Variants in PCDHA11 observed in about 807,000 individuals in gnomAD.
PCDHA11 encodes protocadherin alpha 11, also known as protocadherin alpha-11.
A neutral mutation model predicts 70.3 loss-of-function variants in PCDHA11; 61 were observed. The ratio of observed to expected loss-of-function variants is 0.87; its 90% CI spans 0.71 to 1.07. The LOEUF (loss-of-function observed/expected upper bound fraction) is 1.07. PCDHA11 is among the 50% of genes least tolerant of loss of function. The pLI, the probability that PCDHA11 is intolerant of heterozygous loss-of-function variation, is 0.00. For synonymous variants in PCDHA11, 633 were observed against 555.1 expected (o/e 1.14, Z -1.97); for missense variants, 1,324 against 1,237.5 (o/e 1.07, Z -1.05).
At chr5:140,927,610 A>C in intron 1 of PCDHA11, 2 of 1,614,162 alleles carry the variant, frequency 1.2e-6, no homozygotes, top group Non-Finnish European at 1.7e-6. Flanking sequence ...CGTATACCGC[A>C]CCAAGGTTCC....
intron 1 of PCDHA11, among the ~76,000 whole-genome samples, chr5:140,936,121 G>C (rs1381895785): frequency 6.6e-6 from 1 of 152,068 alleles, no homozygotes; most frequent in Non-Finnish European, 1.5e-5. Flanking sequence ...TCGAACTCCT[G>C]ACCTTAAGTG....
In PCDHA11 at chr5:141,010,358, C is replaced by G; in HGVS notation, c.*421C>G. 1 of 1,488,620 alleles carries G rather than the reference C, an allele frequency of 6.7e-7. No homozygotes were observed. The highest frequency in any genetic ancestry group is 1.3e-5 in the South Asian group (1 of 76,158). 92.2% of individuals were successfully genotyped at this position (1,488,620 alleles called of 1,614,324 possible). On this transcript the variant is annotated 3_prime_UTR_variant, in exon 4 of 4. Transcript: ENST00000398640. ...GTGGCCACTGGGTATGTGTGGCTAC[C>G]GCGGGTATGCGAGTGCCAGATATTG...
chr5:140,978,175 G>A (rs1163383689), intron 1 of PCDHA11, among the ~76,000 whole-genome samples: 1 of 152,170 alleles, frequency 6.6e-6, no homozygotes, highest in Admixed American at 6.5e-5. Context: ...TTTGTAGAGA[G>A]AGGGCAACAG....
intron 1 of PCDHA11, among the ~76,000 whole-genome samples, chr5:140,886,110 G>A (rs1332872994): frequency 6.6e-6 from 1 of 152,164 alleles, no homozygotes; most frequent in Non-Finnish European, 1.5e-5. Context: ...CAGTAAAGAA[G>A]TAACATAGTT....
intron 1 of PCDHA11, among the ~76,000 whole-genome samples, chr5:140,975,576 C>G (rs1170899911): frequency 6.6e-6 from 1 of 152,208 alleles, no homozygotes; most frequent in Non-Finnish European, 1.5e-5. Flanking sequence ...TATATGCAGT[C>G]TCATGTCCCA....
At position 140,980,991 on chromosome 5, in the gene PCDHA11, C is replaced by G. The variant is rs888673669; in HGVS notation, c.2451-1484C>G. Among the ~76,000 whole-genome samples the G allele has an allele frequency of 1.2e-4, 18 of 151,972 alleles. 1 individual carries two copies. Among genetic ancestry groups the G allele is most frequent in the Non-Finnish European group, 8.8e-5 (6 of 68,014 alleles). ...AATCTGACTGAGCCCACACAATTTG[C>G]TAGTAGGATCCAGGAACACTTGAAG... On this transcript the variant is annotated intron_variant, in intron 2 of 3. Transcript: ENST00000398640.
chr5:140,969,408 T>C (rs2096327357), intron 1 of PCDHA11: 6 of 1,573,824 alleles, frequency 3.8e-6, no homozygotes, highest in Non-Finnish European at 5.2e-6. Flanking sequence ...GATTTGGCTT[T>C]ATTGAGTCAT....
intron 1 of PCDHA11, among the ~76,000 whole-genome samples, chr5:140,916,610 A>G (rs1002556327): frequency 6.6e-6 from 1 of 152,196 alleles, no homozygotes; most frequent in Non-Finnish European, 1.5e-5. Flanking sequence ...TGCGGGCCTC[A>G]TGACTCTACT....
chr5:140,948,839 G>A (rs2094310723), intron 1 of PCDHA11, among the ~76,000 whole-genome samples: 1 of 151,152 alleles, frequency 6.6e-6, no homozygotes, highest in African/African-American at 2.4e-5. Flanking sequence ...GCTTTTGTCT[G>A]TATTATTTGC....
rs1190939164 is a variant in PCDHA11, at chr5:140,968,882, C to T, written c.2392-10067C>T. ...CCCTCGGACATACTCTGAAATTACC[C>T]TTTATCTAATAATAGCATTAAGCAC... On this transcript the variant is annotated intron_variant, in intron 1 of 3. Transcript: ENST00000398640. 6 of 1,614,066 alleles carry T rather than the reference C, an allele frequency of 3.7e-6. No individual in the cohort carries two copies. The African/African-American group carries it at 6.7e-5, about 18-fold the overall frequency.
At chr5:140,914,695 A>T (rs970720014) in intron 1 of PCDHA11, among the ~76,000 whole-genome samples, 1 of 151,978 alleles carries the variant, frequency 6.6e-6, no homozygotes, top group African/African-American at 2.4e-5. Context: ...CTCTGGTGGT[A>T]TGATTTAATT....
At chr5:140,882,551 C>A in intron 1 of PCDHA11, 1 of 1,614,216 alleles carries the variant, frequency 6.2e-7, no homozygotes, top group Non-Finnish European at 8.5e-7. Flanking sequence ...CCGCGAGGAG[C>A]TGTGTGGGCG....
intron 1 of PCDHA11, among the ~76,000 whole-genome samples, chr5:140,960,656 G>T (rs553083977): frequency 1.3e-5 from 2 of 152,218 alleles, no homozygotes; most frequent in Admixed American, 1.3e-4. Context: ...CCAAATCAAT[G>T]AATGCTTTGG....
intron 3 of PCDHA11, among the ~76,000 whole-genome samples, chr5:140,999,978 G>A (rs980753359): frequency 5.9e-5 from 9 of 151,942 alleles, no homozygotes; most frequent in South Asian, 2.1e-4. Flanking sequence ...CAGCTCTAGC[G>A]GCCTCTGGGT....
intron 1 of PCDHA11, among the ~76,000 whole-genome samples, chr5:140,904,259 C>T (rs2070990539): frequency 6.6e-6 from 1 of 152,066 alleles, no homozygotes. Context: ...GCTTAGCTCC[C>T]ACTTATGAAT....
intron 1 of PCDHA11, among the ~76,000 whole-genome samples, chr5:140,881,833 A>G (rs1371458560): frequency 6.6e-6 from 1 of 152,252 alleles, no homozygotes; most frequent in Non-Finnish European, 1.5e-5. Flanking sequence ...AAAGTTCTGC[A>G]TGGAATTCTT....
At position 140,968,542 on chromosome 5, in the gene PCDHA11, G is replaced by A. The variant is rs782474856; in HGVS notation, c.2392-10407G>A. On this transcript the variant is annotated intron_variant, in intron 1 of 3. Transcript: ENST00000398640. ...CAACCAACTCGTCAGCAGCCTTCGA[G>A]ATGGTGCCTCGAACTGCCCCTGCTG... is the stretch of plus-strand genomic sequence containing the variant. The A allele has an allele frequency of 1.1e-5, 18 of 1,614,204 alleles. 2 individuals are homozygous for A. In the South Asian group the frequency reaches 2.0e-4, roughly 18 times the overall value.
At chr5:140,912,797 G>C (rs2076071117) in intron 1 of PCDHA11, among the ~76,000 whole-genome samples, 1 of 152,128 alleles carries the variant, frequency 6.6e-6, no homozygotes, top group South Asian at 2.1e-4. Flanking sequence ...CAATTTTCTT[G>C]AGGGTTTTTA....
At chr5:140,904,440 A>G (rs1455600144) in intron 1 of PCDHA11, among the ~76,000 whole-genome samples, 1 of 151,204 alleles carries the variant, frequency 6.6e-6, no homozygotes, top group Non-Finnish European at 1.5e-5. Flanking sequence ...TATGTATATT[A>G]CAATTTCTTT....
Sources: allele counts gnomAD v4.1 joint callset (sites outside exome capture counted in the v4.1 genomes callset), GRCh38; gene constraint gnomAD v4.1.1; transcripts MANE v1.5; gene names NCBI Gene and HGNC (gene_info 2026-07-23, HGNC 2026-07-21).